E2F3: variants seen among roughly 807,000 people sequenced by gnomAD.
E2F3 encodes the protein E2F transcription factor 3, also known as transcription factor E2F3.
Under a neutral mutation model 44.4 loss-of-function variants are expected in E2F3, and 11 were observed. The observed-to-expected ratio is 0.25, with a 90% CI of 0.16 to 0.41. E2F3 has a LOEUF of 0.41. E2F3 is among the 10% of genes least tolerant of loss of function. The probability of loss-of-function intolerance (pLI) is 1.00; values close to 1 mark genes in which losing one functional copy is unlikely to be tolerated. For synonymous variants in E2F3, 249 were observed against 253.0 expected (o/e 0.98, Z 0.15); for missense variants, 487 against 583.6 (o/e 0.83, Z 1.70).
intron 1 of E2F3, among the ~76,000 whole-genome samples, chr6:20,472,842 T>G (rs6909633): frequency 0.94 from 143,498 of 152,250 alleles, 67,746 homozygotes; most frequent in East Asian, 1. Flanking sequence ...TCCATTAGTA[T>G]ATGTCTGCTT....
chr6:20,435,255 G>A (rs1457769416), intron 1 of E2F3, among the ~76,000 whole-genome samples: 2 of 152,120 alleles, frequency 1.3e-5, no homozygotes, highest in Non-Finnish European at 2.9e-5. Context: ...TGGGATTGCA[G>A]GCATGAGCCA....
At position 20,482,886 on chromosome 6, in the gene E2F3, C is replaced by T; in HGVS notation, c.850C>T (p.Leu284Phe). 1 of 1,613,870 alleles carries T rather than the reference C, an allele frequency of 6.2e-7. No homozygotes were observed. The highest frequency in any genetic ancestry group is 8.5e-7 in the Non-Finnish European group (1 of 1,179,816). Residue 284 changes from leucine (L) to phenylalanine (F), a missense_variant, in exon 4 of 7, where the codon CTC (leucine) becomes TTC (phenylalanine). Around this residue, in one of 3 missense-constraint regions of E2F3, gnomAD observed 220 missense variants for 261.7 expected, o/e 0.84. Transcript: ENST00000346618. ...DELIQSCTLDLKLLTEDSENQ... is the reference protein window; with the variant it reads ...DELIQSCTLDFKLLTEDSENQ... ...ACTGATCCAAAGCTGCACCCTGGAC[C>T]TCAAACTGTTAACCGAGGATTCAGA...
At chr6:20,430,241 TA>T (rs1581591689) in intron 1 of E2F3, among the ~76,000 whole-genome samples, 1 of 152,242 alleles carries the variant, frequency 6.6e-6, no homozygotes, top group South Asian at 2.1e-4. Context: ...GGGATATAGA[TA>T]TTTTTTAAAT....
chr6:20,411,952 G>A (rs1055063326), intron 1 of E2F3, among the ~76,000 whole-genome samples: 6 of 152,144 alleles, frequency 3.9e-5, no homozygotes, highest in Non-Finnish European at 7.4e-5. Flanking sequence ...TACACTATAG[G>A]CTCAGCTACC....
At chr6:20,455,538 G>A (rs575474278) in intron 1 of E2F3, among the ~76,000 whole-genome samples, 1 of 152,170 alleles carries the variant, frequency 6.6e-6, no homozygotes, top group African/African-American at 2.4e-5. Context: ...AGAACTTGAC[G>A]ATTCATCATA....
intron 1 of E2F3, among the ~76,000 whole-genome samples, chr6:20,475,515 C>G (rs955530105): frequency 9.2e-5 from 14 of 152,126 alleles, no homozygotes; most frequent in Admixed American, 4.6e-4. Flanking sequence ...TCTTTCTGTT[C>G]ACTTTATTTT....
chr6:20,445,139 TC>T, intron 1 of E2F3: 1 of 985,298 alleles, frequency 1.0e-6, no homozygotes, highest in Non-Finnish European at 1.2e-6. Flanking sequence ...TGTGTAAGAA[TC>T]CCTAGTGGCA....
intron 1 of E2F3, among the ~76,000 whole-genome samples, chr6:20,427,666 C>T (rs990312528): frequency 1.3e-5 from 2 of 152,096 alleles, no homozygotes; most frequent in African/African-American, 2.4e-5. Context: ...CCCATTCTGC[C>T]GGCATACATT....
Position 20,481,393 on chromosome 6 carries a change from TAAG to T in E2F3, c.700_702del (p.Lys234del). Reference sequence around the variant, plus strand: ...ACGTTCTGGAAGGCATCCACCTCATTAAGAAGAAGTCTAAAAACAACGTCCAAT... The same window carrying T: ...ACGTTCTGGAAGGCATCCACCTCATTAAGAAGTCTAAAAACAACGTCCAAT... On this transcript the variant is annotated inframe_deletion, in exon 3 of 7. Transcript: ENST00000346618. 2.5e-6 allele frequency: 4 copies of T among 1,614,078 alleles called. No homozygotes were observed. The highest frequency in any genetic ancestry group is 2.5e-6 in the Non-Finnish European group (3 of 1,180,014).
intron 1 of E2F3, among the ~76,000 whole-genome samples, chr6:20,471,784 G>C (rs1376526717): frequency 1.3e-5 from 2 of 152,084 alleles, no homozygotes; most frequent in Non-Finnish European, 2.9e-5. Flanking sequence ...TTGCAGAAAT[G>C]TAAACATGAA....
Position 20,438,201 on chromosome 6 carries a change from G to A in E2F3, c.393+35576G>A, listed in dbSNP as rs140929761. Among the ~76,000 whole-genome samples, 95 of 152,278 alleles carry A rather than the reference G, an allele frequency of 6.2e-4. 3 individuals carry two copies. The East Asian group carries it at 7.1e-3, about 11-fold the overall frequency. On this transcript the variant is annotated intron_variant, in intron 1 of 6. Transcript: ENST00000346618. Reference sequence around the variant, plus strand: ...CTCACCCAATTTACCTTACACAGTCGTGAGGATTCATTGTAATGGGCTTTG... The same window carrying A: ...CTCACCCAATTTACCTTACACAGTCATGAGGATTCATTGTAATGGGCTTTG...
intron 1 of E2F3, among the ~76,000 whole-genome samples, chr6:20,467,434 G>A (rs538432494): frequency 1.1e-4 from 17 of 152,176 alleles, no homozygotes; most frequent in Non-Finnish European, 2.4e-4. Flanking sequence ...GTGCATTTTA[G>A]TAAAGCCTCC....
chr6:20,486,728 T>C lies in E2F3; in HGVS notation c.924T>C (p.Ser308=). 1 of 1,612,776 alleles carries C rather than the reference T, an allele frequency of 6.2e-7. No individual in the cohort carries two copies. Among genetic ancestry groups the C allele is most frequent in the Non-Finnish European group, 8.5e-7 (1 of 1,179,564 alleles). Residue 308 remains serine (S), a synonymous_variant, in exon 5 of 7, where the codon AGT becomes AGC. Transcript: ENST00000346618. ...YVTYQDIRKI[S]GLKDQTVIVV... ...CATATCAAGATATTCGAAAAATTAG[T>C]GGCCTTAAAGACCAAACTGTTATAG...
At chr6:20,404,276 A>T (rs904846710) in intron 1 of E2F3, among the ~76,000 whole-genome samples, 5 of 151,824 alleles carry the variant, frequency 3.3e-5, no homozygotes, top group African/African-American at 1.2e-4. Flanking sequence ...CGCCTTTGAG[A>T]GATGATTTAG....
At chr6:20,461,430 C>T (rs1481684880) in intron 1 of E2F3, among the ~76,000 whole-genome samples, 2 of 152,046 alleles carry the variant, frequency 1.3e-5, no homozygotes, top group South Asian at 4.1e-4. Context: ...GGAGGCAGAG[C>T]TTGCAGTGAG....
intron 1 of E2F3, among the ~76,000 whole-genome samples, chr6:20,468,273 G>T (rs767957809): frequency 8.5e-5 from 13 of 152,224 alleles, no homozygotes; most frequent in Non-Finnish European, 1.5e-4. Context: ...GCCCCAGGTT[G>T]TTTTACCTGT....
At chr6:20,418,844 T>C (rs1759933848) in intron 1 of E2F3, among the ~76,000 whole-genome samples, 1 of 152,078 alleles carries the variant, frequency 6.6e-6, no homozygotes, top group Non-Finnish European at 1.5e-5. Flanking sequence ...TGTTACCTTT[T>C]TTTTTTTGTA....
At chr6:20,416,473 C>T (rs1406069737) in intron 1 of E2F3, among the ~76,000 whole-genome samples, 5 of 152,142 alleles carry the variant, frequency 3.3e-5, no homozygotes, top group African/African-American at 1.2e-4. Context: ...ATCATAAATA[C>T]CCTGGTCTTG....
In E2F3 at chr6:20,425,387, C is replaced by CTTT. The variant is rs879940355; in HGVS notation, c.393+22779_393+22781dup. ...TGCGCACAACCCCAGGAACCTTCTACTTTTTTTTTTTTTTTTTTTGAGACA... is the reference window on the plus strand; with the variant it reads ...TGCGCACAACCCCAGGAACCTTCTACTTTTTTTTTTTTTTTTTTTTTTGAGACA... On this transcript the variant is annotated intron_variant, in intron 1 of 6. Transcript: ENST00000346618. Among the ~76,000 whole-genome samples the CTTT allele has an allele frequency of 2.4e-3, 317 of 134,786 alleles. 5 individuals are homozygous for CTTT. The highest frequency in any genetic ancestry group is 7.6e-3 in the African/African-American group (274 of 36,238). 88.4% of individuals were successfully genotyped at this position (134,786 alleles called of 152,430 possible). A position where few individuals can be genotyped will look rare whatever the true frequency, so the allele number is the denominator to read the frequency against.
Sources: allele counts gnomAD v4.1 joint callset (sites outside exome capture counted in the v4.1 genomes callset), GRCh38; gene constraint gnomAD v4.1.1; regional missense constraint gnomAD v4.1.1; transcripts MANE v1.5; gene names NCBI Gene and HGNC (gene_info 2026-07-23, HGNC 2026-07-21).